SLIT3: variants seen among roughly 807,000 people sequenced by gnomAD.
SLIT3 encodes the protein slit homolog 3 protein.
SLIT3 carries 68 observed loss-of-function variants against 184.0 expected under a neutral mutation model. The observed-to-expected ratio is 0.37, with a 90% CI of 0.30 to 0.45. The LOEUF is 0.45. Ranked by LOEUF, SLIT3 falls within the 20% of genes least tolerant of loss-of-function variation. The probability of loss-of-function intolerance (pLI) is 1.00; values close to 1 mark genes in which losing one functional copy is unlikely to be tolerated. For missense variants in SLIT3, 1,707 were observed against 2,026.0 expected (o/e 0.84, Z 3.02); for synonymous variants, 831 against 828.6 (o/e 1.00, Z -0.05).
chr5:168,683,838 C>T, intron 32 of SLIT3, 128 bp downstream of exon 32: 3 of 837,084 alleles, frequency 3.6e-6, no homozygotes, highest in Non-Finnish European at 5.1e-6. Context: ...TGTGTGCGCA[C>T]ATGTGCGTGG....
intron 4 of SLIT3, among the ~76,000 whole-genome samples, chr5:169,021,552 T>C (rs1300467545): frequency 2.0e-5 from 3 of 152,134 alleles, no homozygotes; most frequent in East Asian, 1.9e-4. Context: ...GGTTTCACCA[T>C]GTTGGCCAGG....
chr5:168,872,640 CT>C (rs774066150), intron 5 of SLIT3, among the ~76,000 whole-genome samples: 1,160 of 112,384 alleles, frequency 0.01, 6 homozygotes, highest in Middle Eastern at 0.023. Flanking sequence ...TCTTCTTCTT[CT>C]TTTTTTTTTT....
intron 4 of SLIT3, among the ~76,000 whole-genome samples, chr5:169,051,476 C>T (rs1757812687): frequency 6.6e-6 from 1 of 152,106 alleles, no homozygotes; most frequent in Non-Finnish European, 1.5e-5. Context: ...AGATGTCAAT[C>T]ATGTTAATTG....
chr5:169,032,856 T>TA (rs1757082826), intron 4 of SLIT3, among the ~76,000 whole-genome samples: 1 of 150,594 alleles, frequency 6.6e-6, no homozygotes, highest in Non-Finnish European at 1.5e-5. Context: ...AAACACATAG[T>TA]AAAAAAGATA....
intron 3 of SLIT3, among the ~76,000 whole-genome samples, chr5:169,197,602 T>A (rs1763778941): frequency 6.6e-6 from 1 of 151,998 alleles, no homozygotes; most frequent in Admixed American, 6.5e-5. Flanking sequence ...GAGGTGGAGA[T>A]CTCCTGCCAT....
chr5:169,050,984 C>A (rs1196338702), intron 4 of SLIT3, among the ~76,000 whole-genome samples: 1 of 152,180 alleles, frequency 6.6e-6, no homozygotes, highest in Non-Finnish European at 1.5e-5. Flanking sequence ...TTCTCTCTTA[C>A]TGGCTTTTGT....
intron 1 of SLIT3, among the ~76,000 whole-genome samples, chr5:169,299,342 G>T (rs1036771555): frequency 1.3e-5 from 2 of 152,190 alleles, no homozygotes; most frequent in Non-Finnish European, 2.9e-5. Context: ...GGTGATAGGA[G>T]GTGACTAGCA....
At chr5:169,117,892 G>T (rs577178261) in intron 4 of SLIT3, among the ~76,000 whole-genome samples, 1 of 152,194 alleles carries the variant, frequency 6.6e-6, no homozygotes, top group African/African-American at 2.4e-5. Flanking sequence ...AGGCCACAGC[G>T]CTTCCTAAGC....
chr5:168,676,849 G>C (rs563685176), intron 32 of SLIT3, among the ~76,000 whole-genome samples: 42 of 152,276 alleles, frequency 2.8e-4, no homozygotes, highest in Non-Finnish European at 5.4e-4. Context: ...CACACACACA[G>C]ACACAGCGAA....
At chr5:168,908,907 C>G (rs1377088174) in intron 4 of SLIT3, among the ~76,000 whole-genome samples, 1 of 152,202 alleles carries the variant, frequency 6.6e-6, no homozygotes, top group African/African-American at 2.4e-5. Flanking sequence ...GCACACCTTA[C>G]AAGTCCATCA....
chr5:168,854,779 C>T (rs1044029962), intron 5 of SLIT3, among the ~76,000 whole-genome samples: 2 of 152,176 alleles, frequency 1.3e-5, no homozygotes, highest in South Asian at 2.1e-4. Flanking sequence ...CAGATTGTGT[C>T]GTAGGGTGTT....
chr5:168,869,638 C>T (rs1759438062), intron 5 of SLIT3, among the ~76,000 whole-genome samples: 1 of 152,174 alleles, frequency 6.6e-6, no homozygotes, highest in East Asian at 1.9e-4. Flanking sequence ...ACAAATACCC[C>T]ATCTCTCAGC....
At chr5:169,092,127 G>A (rs980950818) in intron 4 of SLIT3, among the ~76,000 whole-genome samples, 1 of 152,218 alleles carries the variant, frequency 6.6e-6, no homozygotes, top group South Asian at 2.1e-4. Flanking sequence ...GGAGGCTGAG[G>A]CAGGAGAATC....
intron 4 of SLIT3, among the ~76,000 whole-genome samples, chr5:169,191,670 G>A (rs1451254583): frequency 2.0e-5 from 3 of 152,138 alleles, no homozygotes; most frequent in East Asian, 1.9e-4. Flanking sequence ...CTCTCAGGAC[G>A]TGGCAGAGGA....
At position 168,661,875 on chromosome 5, in the gene SLIT3, A is replaced by G. The variant is rs1760865250; in HGVS notation, c.*4579T>C. ...TCCATACTGGGGAAGTGCCACTATA[A>G]CATTGTTTTAAAAAATCTTCAAAAA... On this transcript the variant is annotated 3_prime_UTR_variant, in exon 36 of 36. Coordinates refer to ENST00000519560, the MANE Select transcript of SLIT3 (RefSeq NM_003062.4). 4 of 152,352 alleles carry G rather than the reference A, an allele frequency of 2.6e-5. No homozygotes were observed. In the South Asian group the frequency reaches 8.3e-4, roughly 32 times the overall value. 9.4% of individuals were successfully genotyped at this position (152,352 alleles called of 1,614,324 possible).
chr5:168,940,053 T>C (rs1329778863), intron 4 of SLIT3, among the ~76,000 whole-genome samples: 1 of 152,076 alleles, frequency 6.6e-6, no homozygotes, highest in Non-Finnish European at 1.5e-5. Context: ...GGTAATACAG[T>C]CGGGGAGGAT....
intron 4 of SLIT3, among the ~76,000 whole-genome samples, chr5:169,149,725 C>T (rs1026401048): frequency 2.0e-5 from 3 of 152,212 alleles, no homozygotes; most frequent in African/African-American, 7.2e-5. Flanking sequence ...GATCTGACAG[C>T]ACACACTTGT....
chr5:169,101,845 C>T (rs144695331), intron 4 of SLIT3, among the ~76,000 whole-genome samples: 3 of 152,224 alleles, frequency 2.0e-5, no homozygotes, highest in East Asian at 3.9e-4. Flanking sequence ...TTTTCTCCAC[C>T]GGTCTAACTT....
At chr5:168,746,157 A>T (rs1763792613) in intron 20 of SLIT3, among the ~76,000 whole-genome samples, 1 of 152,172 alleles carries the variant, frequency 6.6e-6, no homozygotes. Context: ...CTGGAACTGA[A>T]CCCACAATAT....
Sources: gnomAD v4.1 joint callset for allele counts (sites outside exome capture counted in the v4.1 genomes callset) on GRCh38, gnomAD v4.1.1 for gene constraint, MANE v1.5 for transcripts, NCBI Gene and HGNC (gene_info 2026-07-23, HGNC 2026-07-21) for gene names.